The following SPHKAP variants were observed in gnomAD, a reference collection of about 807,000 sequenced individuals.
SPHKAP encodes A-kinase anchor protein SPHKAP.
In SPHKAP, 67 loss-of-function variants were observed where a neutral mutation model predicts 137.5. The observed-to-expected ratio is 0.49, with a 90% CI of 0.40 to 0.60. The LOEUF (loss-of-function observed/expected upper bound fraction) is 0.60, where lower values mean the gene tolerates loss of function less well. Ranked by LOEUF, SPHKAP falls within the 20% of genes least tolerant of loss-of-function variation. The pLI is 0.00. For missense variants in SPHKAP, 2,097 were observed against 2,069.3 expected (o/e 1.01, Z -0.26); for synonymous variants, 813 against 785.3 (o/e 1.04, Z -0.59).
intron 3 of SPHKAP, among the ~76,000 whole-genome samples, chr2:228,083,908 GA>G (rs1407772610): frequency 6.6e-6 from 1 of 151,974 alleles, no homozygotes; most frequent in Non-Finnish European, 1.5e-5. Context: ...CAGGGAGGGG[GA>G]TATCACACAC....
intron 3 of SPHKAP, among the ~76,000 whole-genome samples, chr2:228,042,493 C>T (rs1486200423): frequency 6.6e-6 from 1 of 152,124 alleles, no homozygotes. Context: ...CATTAGCAGT[C>T]ATTCACCATT....
At chr2:228,006,789 G>A (rs1419849153) in intron 7 of SPHKAP, among the ~76,000 whole-genome samples, 1 of 152,162 alleles carries the variant, frequency 6.6e-6, no homozygotes, top group Non-Finnish European at 1.5e-5. Flanking sequence ...GTCTGTTGGA[G>A]TTTGCTGGAG....
intron 2 of SPHKAP, among the ~76,000 whole-genome samples, chr2:228,116,633 G>A (rs1698718209): frequency 6.6e-6 from 1 of 152,056 alleles, no homozygotes; most frequent in African/African-American, 2.4e-5. Context: ...CAGAAACTAA[G>A]CTAGGTTTTG....
At chr2:228,115,888 C>A (rs990736433) in intron 2 of SPHKAP, among the ~76,000 whole-genome samples, 1 of 152,096 alleles carries the variant, frequency 6.6e-6, no homozygotes, top group Non-Finnish European at 1.5e-5. Context: ...GAGGTAAGGC[C>A]TTTGGGAGGT....
chr2:228,176,235 A>G (rs1006479399), intron 1 of SPHKAP, among the ~76,000 whole-genome samples: 1 of 152,202 alleles, frequency 6.6e-6, no homozygotes, highest in Non-Finnish European at 1.5e-5. Flanking sequence ...GGGGAACATT[A>G]AAAACAATAA....
intron 1 of SPHKAP, among the ~76,000 whole-genome samples, chr2:228,162,998 A>G (rs1700319852): frequency 6.6e-6 from 1 of 152,172 alleles, no homozygotes; most frequent in African/African-American, 2.4e-5. Flanking sequence ...GTGCCTGGCC[A>G]CAAAGCCCTT....
At chr2:228,095,600 A>G (rs1216752299) in intron 3 of SPHKAP, among the ~76,000 whole-genome samples, 1 of 152,222 alleles carries the variant, frequency 6.6e-6, no homozygotes, top group Non-Finnish European at 1.5e-5. Context: ...TTCAGCAAAA[A>G]TGGTAAGAAA....
chr2:228,029,795 C>A (rs1695209456), intron 3 of SPHKAP, among the ~76,000 whole-genome samples: 1 of 152,110 alleles, frequency 6.6e-6, no homozygotes, highest in Non-Finnish European at 1.5e-5. Flanking sequence ...TAATAACATG[C>A]AGCTGGCACT....
intron 1 of SPHKAP, among the ~76,000 whole-genome samples, chr2:228,139,890 GTTCT>G (rs1699542159): frequency 8.7e-6 from 1 of 114,328 alleles, no homozygotes; most frequent in Non-Finnish European, 2.0e-5. Flanking sequence ...TATCCCTAGA[GTTCT>G]TTATTTCTTT....
At chr2:228,110,060 T>C (rs540461557) in intron 2 of SPHKAP, among the ~76,000 whole-genome samples, 1 of 151,976 alleles carries the variant, frequency 6.6e-6, no homozygotes, top group African/African-American at 2.4e-5. Context: ...TTAGGGTACG[T>C]GTCTGCTAAT....
At chr2:227,992,696 A>G (rs1574715944) in intron 9 of SPHKAP, among the ~76,000 whole-genome samples, 2 of 152,210 alleles carry the variant, frequency 1.3e-5, no homozygotes, top group East Asian at 1.9e-4. Context: ...TGGAGCCACA[A>G]AGGAACCACT....
intron 2 of SPHKAP, among the ~76,000 whole-genome samples, chr2:228,122,412 T>A (rs1264207763): frequency 6.6e-6 from 1 of 152,170 alleles, no homozygotes; most frequent in Non-Finnish European, 1.5e-5. Flanking sequence ...CATGTTGGAC[T>A]GTCACCACTG....
chr2:228,127,649 C>T (rs1291787653), intron 2 of SPHKAP, among the ~76,000 whole-genome samples: 1 of 152,138 alleles, frequency 6.6e-6, no homozygotes, highest in African/African-American at 2.4e-5. Flanking sequence ...GTTGATCATC[C>T]TTCTGAGTAC....
At chr2:228,043,562 A>G (rs1051736297) in intron 3 of SPHKAP, among the ~76,000 whole-genome samples, 2 of 152,154 alleles carry the variant, frequency 1.3e-5, no homozygotes. Flanking sequence ...CCTGACCTCA[A>G]GTGATCCGCC....
At position 228,147,505 on chromosome 2, in the gene SPHKAP, T is replaced by C. The variant is rs547767125; in HGVS notation, c.33-15420A>G. On this transcript the variant is annotated intron_variant, in intron 1 of 11. Coordinates refer to ENST00000392056, the MANE Select transcript of SPHKAP (RefSeq NM_001142644.2). Reference sequence around the variant, plus strand: ...AGAAGACTGGCAGTTAATATAAATATGTCAAAGTCTGAACATTTCTTATGC... The same window carrying C: ...AGAAGACTGGCAGTTAATATAAATACGTCAAAGTCTGAACATTTCTTATGC... Among the ~76,000 whole-genome samples the C allele has an allele frequency of 1.2e-3, 181 of 152,330 alleles. 5 individuals carry two copies. The South Asian group carries it at 0.036, about 30-fold the overall frequency.
At chr2:228,052,949 A>G (rs1696310547) in intron 3 of SPHKAP, among the ~76,000 whole-genome samples, 1 of 152,174 alleles carries the variant, frequency 6.6e-6, no homozygotes, top group Admixed American at 6.5e-5. Flanking sequence ...TATAGTCTGT[A>G]TAGTAAGAGC....
intron 1 of SPHKAP, among the ~76,000 whole-genome samples, chr2:228,158,853 C>T (rs1700188820): frequency 1.3e-5 from 2 of 152,166 alleles, no homozygotes; most frequent in African/African-American, 2.4e-5. Flanking sequence ...ATTATCTAAA[C>T]TAAAGAAAAA....
At chr2:228,107,284 C>G (rs921565140) in intron 3 of SPHKAP, among the ~76,000 whole-genome samples, 8 of 152,150 alleles carry the variant, frequency 5.3e-5, no homozygotes, top group Non-Finnish European at 7.4e-5. Flanking sequence ...ATTCTACTCT[C>G]TACTTTTATG....
rs1240457622 is a variant in SPHKAP, at chr2:228,092,499, T to TAC, written c.246+16332_246+16333insGT. 2.0e-4 allele frequency among the ~76,000 whole-genome samples: 12 copies of TAC among 59,670 alleles called. 2 individuals carry two copies. Among genetic ancestry groups the TAC allele is most frequent in the Non-Finnish European group, 3.6e-4 (11 of 30,218 alleles). 39.1% of individuals were successfully genotyped at this position (59,670 alleles called of 152,430 possible). The stretch of plus-strand genomic sequence containing the variant: ...TATGTATACATATATGTGCCATATA[T>TAC]ATGTATACATATATGTGCCATATAT... On this transcript the variant is annotated intron_variant, in intron 3 of 11. Transcript: ENST00000392056.
Sources: gnomAD v4.1 joint callset for allele counts (sites outside exome capture counted in the v4.1 genomes callset) on GRCh38, gnomAD v4.1.1 for gene constraint, MANE v1.5 for transcripts, NCBI Gene and HGNC (gene_info 2026-07-23, HGNC 2026-07-21) for gene names.